The following AFP variants were observed in gnomAD, a reference collection of about 807,000 sequenced individuals.
The protein encoded by AFP is alpha fetoprotein.
In AFP, 64 loss-of-function variants were observed where a neutral mutation model predicts 78.9. The observed-to-expected ratio is 0.81, with a 90% confidence interval of 0.66 to 1.00. AFP has a LOEUF of 1.00. AFP is among the 50% of genes least tolerant of loss of function. AFP has a pLI of 0.00. For synonymous variants in AFP, 254 were observed against 243.8 expected, an observed-to-expected ratio of 1.04 and a Z score of -0.39; for missense variants, 689 against 703.8, an observed-to-expected ratio of 0.98 and a Z score of 0.24.
chr4:73,450,067 GC>G lies in AFP; in HGVS notation c.1225del (p.Gln409LysfsTer14), dbSNP rs771581474. 3.7e-6 allele frequency: 6 copies of G among 1,613,642 alleles called. No individual in the cohort carries two copies. The highest frequency in any genetic ancestry group is 5.1e-6 in the Non-Finnish European group (6 of 1,179,660). On this transcript the variant is annotated frameshift_variant, in exon 10 of 15. Coordinates refer to ENST00000395792, the MANE Select transcript of AFP (RefSeq NM_001134.3). LOFTEE classifies it high-confidence loss of function. Reference sequence around the variant, plus strand: ...GAATTACAGAAATACATCCAGGAGAGCCAAGCATTGGCAAAGCGAAGCTGCG... The same window carrying G: ...GAATTACAGAAATACATCCAGGAGAGCAAGCATTGGCAAAGCGAAGCTGCG... The part of the protein sequence containing the change: ...EEELQKYIQE[S>X]QALAKRSCGL...
At chr4:73,439,781 T>C (rs1215778157) in intron 3 of AFP, among the ~76,000 whole-genome samples, 1 of 152,226 alleles carries the variant, frequency 6.6e-6, no homozygotes, top group African/African-American at 2.4e-5. Context: ...TATGTAATTG[T>C]GGCCAAGAAA....
chr4:73,450,219 A>T, intron 10 of AFP, 86 bp downstream of exon 10: 1 of 1,128,378 alleles, frequency 8.9e-7, no homozygotes, highest in South Asian at 1.3e-5. Context: ...TGGAAGCAAC[A>T]AGAATGACCT....
chr4:73,443,092 C>A (rs2149334059), intron 5 of AFP, among the ~76,000 whole-genome samples: 1 of 152,122 alleles, frequency 6.6e-6, no homozygotes, highest in Admixed American at 6.5e-5. Context: ...CATTTATGAT[C>A]CCCAGTATAA....
At position 73,441,429 on chromosome 4, in the gene AFP, G is replaced by A. The variant is rs188665761; in HGVS notation, c.482+616G>A. Among the ~76,000 whole-genome samples the A allele has an allele frequency of 2.9e-3, 442 of 151,538 alleles. 1 individual carries two copies. Among genetic ancestry groups the A allele is most frequent in the African/African-American group, 0.01 (420 of 41,228 alleles). On this transcript the variant is annotated intron_variant, in intron 4 of 14. Coordinates refer to ENST00000395792, the MANE Select transcript of AFP (RefSeq NM_001134.3). ...AAAATACAAAAAAAATTAGCCGGGC[G>A]TGATGGTGGGCGCCTGTAGTCCCAG...
chr4:73,443,400 A>G lies in AFP; in HGVS notation c.669A>G (p.Ala223=). 2 of 1,613,788 alleles carry G rather than the reference A, an allele frequency of 1.2e-6. No individual in the cohort carries two copies. Among genetic ancestry groups the G allele is most frequent in the South Asian group, 2.2e-5 (2 of 91,062 alleles). ...AAAGCAGCTTGTTAAATCAACATGC[A>G]TGTGCAGTAATGAAAAATTTTGGGA... ...LRESSLLNQH[A]CAVMKNFGTR... is the part of the protein sequence containing the mutation. The change falls in exon 6 of 15, where the codon GCA becomes GCG. Residue 223 remains alanine, a synonymous_variant. Coordinates refer to ENST00000395792, the MANE Select transcript of AFP (RefSeq NM_001134.3).
chr4:73,439,795 G>GT (rs544307132), intron 3 of AFP, among the ~76,000 whole-genome samples: 23 of 151,970 alleles, frequency 1.5e-4, no homozygotes, highest in African/African-American at 5.1e-4. Context: ...CAAGAAAAGT[G>GT]TTTTTTTAAA....
In AFP at chr4:73,455,649, G is replaced by A. The variant is rs1212011281; in HGVS notation, c.*29G>A. The A allele has an allele frequency of 2.3e-5, 16 of 695,304 alleles. No individual in the cohort carries two copies. The highest frequency in any genetic ancestry group is 3.7e-5 in the Non-Finnish European group (14 of 383,000). The allele number at this position is 695,304 out of a possible 1,614,324, so 43.1% of individuals were successfully genotyped here. ...ATTGCAGGGGAAGAGAAGACAAAACGAGTCTTTCATTCGGTGTGAACTTTT... is the reference window on the plus strand; with the variant it reads ...ATTGCAGGGGAAGAGAAGACAAAACAAGTCTTTCATTCGGTGTGAACTTTT... On this transcript the variant is annotated 3_prime_UTR_variant, in exon 15 of 15. Transcript: ENST00000395792.
chr4:73,453,574 G>T, intron 12 of AFP, 191 bp from the exon 13 acceptor site: 2 of 635,626 alleles, frequency 3.1e-6, no homozygotes, highest in East Asian at 5.8e-5. Context: ...ACTCCAGGCT[G>T]GTGGAACACT....
intron 6 of AFP, among the ~76,000 whole-genome samples, chr4:73,443,728 G>T (rs1203407662): frequency 2.0e-5 from 3 of 152,128 alleles, no homozygotes; most frequent in Non-Finnish European, 4.4e-5. Context: ...GTTCTGGCCT[G>T]CCATCAAATT....
rs1176479371 is a variant in AFP, at chr4:73,436,325, G to C, written c.63G>C (p.Leu21=). Residue 21 remains leucine (L), a synonymous_variant, in exon 1 of 15, where the codon CTG becomes CTC. Transcript: ENST00000395792. ...FLLNFTESRT[L]HRNEYGIASI... ...TAAATTTTACTGAATCCAGAACACTGCATAGAAATGAATATGGAATAGGTG... is the reference window on the plus strand; with the variant it reads ...TAAATTTTACTGAATCCAGAACACTCCATAGAAATGAATATGGAATAGGTG... 6.3e-7 allele frequency: 1 copy of C among 1,590,918 alleles called. No homozygotes were observed. Among genetic ancestry groups the C allele is most frequent in the African/African-American group, 1.3e-5 (1 of 74,406 alleles).
intron 13 of AFP, among the ~76,000 whole-genome samples, chr4:73,454,173 T>C (rs1720094996): frequency 3.3e-5 from 5 of 151,920 alleles, no homozygotes; most frequent in Admixed American, 2.6e-4. Flanking sequence ...GTGTAAATAA[T>C]TGACGGTAAT....
Position 73,443,380 on chromosome 4 carries a change from A to G in AFP, c.649A>G (p.Ser217Gly), listed in dbSNP as rs146456647. The change falls in exon 6 of 15, where the codon AGC (serine) becomes GGC (glycine). Residue 217 changes from serine to glycine, a missense_variant. Transcript: ENST00000395792. ...ATVTKELRES[S>G]LLNQHACAVM... ...AGTTACAAAAGAATTAAGAGAAAGC[A>G]GCTTGTTAAATCAACATGCATGTGC... The G allele has an allele frequency of 6.2e-7, 1 of 1,613,844 alleles. No homozygotes were observed. Among genetic ancestry groups the G allele is most frequent in the African/African-American group, 1.3e-5 (1 of 75,044 alleles).
At chr4:73,438,566 C>A (rs1719577489) in intron 3 of AFP, among the ~76,000 whole-genome samples, 1 of 152,006 alleles carries the variant, frequency 6.6e-6, no homozygotes, top group Non-Finnish European at 1.5e-5. Context: ...GGCATATTAA[C>A]TTTTTTGAGC....
chr4:73,440,640 A>G lies in AFP; in HGVS notation c.309A>G (p.Glu103=). Residue 103 remains glutamate (E), a synonymous_variant, in exon 4 of 15, where the codon GAA becomes GAG. Coordinates refer to ENST00000395792, the MANE Select transcript of AFP (RefSeq NM_001134.3). ...AFLEELCHEK[E]ILEKYGHSDC... ...TGGAAGAACTTTGCCATGAGAAAGA[A>G]ATTTTGGAGAAGTACGGACATTCAG... 6.2e-7 allele frequency: 1 copy of G among 1,614,210 alleles called. No individual in the cohort carries two copies. The highest frequency in any genetic ancestry group is 8.5e-7 in the Non-Finnish European group (1 of 1,180,032).
At chr4:73,453,639 G>T (rs915116754) in intron 12 of AFP, 126 bp from the exon 13 acceptor site, 8 of 1,043,770 alleles carry the variant, frequency 7.7e-6, no homozygotes, top group Non-Finnish European at 1.1e-5. Context: ...AGGTGTGTGT[G>T]GTCAGTCTGG....
chr4:73,455,581 T>G (rs1316308734), intron 14 of AFP, 50 bp from the exon 15 acceptor site: 1 of 676,576 alleles, frequency 1.5e-6, no homozygotes, highest in African/African-American at 1.8e-5. Context: ...AGTTACTTAC[T>G]GCACCTATTA....
At chr4:73,451,965 A>G (rs1483777026) in intron 11 of AFP, among the ~76,000 whole-genome samples, 1 of 152,240 alleles carries the variant, frequency 6.6e-6, no homozygotes, top group Non-Finnish European at 1.5e-5. Flanking sequence ...CTGCAAGTGT[A>G]TACATGTGTA....
At chr4:73,442,148 C>T in intron 4 of AFP, 148 bp from the exon 5 acceptor site, 1 of 833,978 alleles carries the variant, frequency 1.2e-6, no homozygotes, top group South Asian at 1.7e-5. Context: ...TGATGATTTT[C>T]CCCTTAGGAA....
At chr4:73,439,724 A>G (rs894795164) in intron 3 of AFP, among the ~76,000 whole-genome samples, 1 of 152,196 alleles carries the variant, frequency 6.6e-6, no homozygotes, top group Non-Finnish European at 1.5e-5. Context: ...TGGTAAGGGT[A>G]AGTCACAGAG....
Sources: allele counts gnomAD v4.1 joint callset (sites outside exome capture counted in the v4.1 genomes callset), GRCh38; gene constraint gnomAD v4.1.1; transcripts MANE v1.5; gene names NCBI Gene and HGNC (gene_info 2026-07-23, HGNC 2026-07-21).